Variants in CRYL1 observed in about 807,000 individuals in gnomAD.
CRYL1 encodes the protein crystallin lambda 1, also known as lambda-crystallin homolog.
Under a neutral mutation model 36.6 loss-of-function variants are expected in CRYL1, and 29 were observed. The observed-to-expected ratio is 0.79, with a 90% CI of 0.59 to 1.08. CRYL1 has a LOEUF of 1.08. CRYL1 is among the 50% of genes least tolerant of loss of function. The pLI is 0.00. For missense variants in CRYL1, 411 were observed against 407.9 expected (o/e 1.01, Z -0.06); for synonymous variants, 152 against 151.5 (o/e 1.00, Z -0.02).
intron 5 of CRYL1, among the ~76,000 whole-genome samples, chr13:20,426,393 G>T (rs1370536686): frequency 6.6e-6 from 1 of 151,824 alleles, no homozygotes; most frequent in East Asian, 1.9e-4. Context: ...GTAGACGTGT[G>T]CCACCTGCCC....
rs539215755 is a variant in CRYL1 at position 20,425,260 on chromosome 13, G to C, written c.633+6842C>G. ...CTCTGCTGCTTCCAGCCACAAGACT[G>C]CTGTTCCTGTCCTTGACCTCAAAGC... On this transcript the variant is annotated intron_variant, in intron 5 of 7. Transcript: ENST00000298248. The surrounding 1 kb of genome is among the most constrained non-coding windows in gnomAD (Gnocchi z 4.4). Among the ~76,000 whole-genome samples, 6 of 152,320 alleles carry C rather than the reference G, an allele frequency of 3.9e-5. No individual in the cohort carries two copies. The highest frequency in any genetic ancestry group is 1.4e-4 in the African/African-American group (6 of 41,566).
At chr13:20,463,824 A>G (rs1257120027) in intron 3 of CRYL1, among the ~76,000 whole-genome samples, 5 of 152,238 alleles carry the variant, frequency 3.3e-5, no homozygotes, top group African/African-American at 9.6e-5. Context: ...ACAATATGAC[A>G]TTATTCGAAG....
chr13:20,459,952 C>T (rs2137429517), intron 3 of CRYL1, among the ~76,000 whole-genome samples: 1 of 152,314 alleles, frequency 6.6e-6, no homozygotes, highest in Admixed American at 6.5e-5. Context: ...TTTCCTCCTG[C>T]CGATTCAACC....
chr13:20,453,825 C>T (rs1329280179), intron 3 of CRYL1, among the ~76,000 whole-genome samples: 4 of 152,114 alleles, frequency 2.6e-5, no homozygotes, highest in South Asian at 2.1e-4. Flanking sequence ...GGGGACATCA[C>T]TGCCAGTCCT....
rs559158672 is a variant in CRYL1 at position 20,488,426 on chromosome 13, CATTT to C, written c.276+940_276+943del. Among the ~76,000 whole-genome samples the C allele has an allele frequency of 3.1e-4, 47 of 152,264 alleles. No individual in the cohort carries two copies. In the South Asian group the frequency reaches 9.5e-3, roughly 31 times the overall value. Reference sequence around the variant, plus strand: ...TCTCCTTGTGTTCTGTTGTGACACACATTTGTTTAATGAATTTTTAGCAAATTGA... The same window carrying C: ...TCTCCTTGTGTTCTGTTGTGACACACGTTTAATGAATTTTTAGCAAATTGA... On this transcript the variant is annotated intron_variant, in intron 3 of 7. Coordinates refer to ENST00000298248, the MANE Select transcript of CRYL1 (RefSeq NM_015974.3).
At chr13:20,439,504 C>G in intron 4 of CRYL1, 89 bp downstream of exon 4, 2 of 1,001,420 alleles carry the variant, frequency 2.0e-6, no homozygotes, top group Non-Finnish European at 2.8e-6. Flanking sequence ...TTATTGACCC[C>G]CCTCCCCCGC....
At chr13:20,440,859 C>T (rs779035026) in intron 3 of CRYL1, among the ~76,000 whole-genome samples, 2 of 152,124 alleles carry the variant, frequency 1.3e-5, no homozygotes. Context: ...CTGCAGATAA[C>T]GACCGCTCTG....
At chr13:20,430,524 G>T (rs1187693417) in intron 5 of CRYL1, 1 of 985,274 alleles carries the variant, frequency 1.0e-6, no homozygotes, top group Admixed American at 6.2e-5. Flanking sequence ...TGAGTCAGCA[G>T]AACTACCAGA....
chr13:20,418,105 T>C (rs1303160251), intron 5 of CRYL1, among the ~76,000 whole-genome samples: 3 of 152,198 alleles, frequency 2.0e-5, no homozygotes, highest in East Asian at 1.9e-4. Context: ...TCAGTTCTGC[T>C]TGCAAGGCCT....
intron 5 of CRYL1, among the ~76,000 whole-genome samples, chr13:20,414,255 T>TTTTG (rs777450852): frequency 2.0e-5 from 3 of 151,174 alleles, no homozygotes; most frequent in Non-Finnish European, 4.4e-5. Flanking sequence ...AAGAGATTTT[T>TTTTG]TGTGTGTGTG....
At chr13:20,429,199 G>A (rs1177190622) in intron 5 of CRYL1, among the ~76,000 whole-genome samples, 1 of 152,188 alleles carries the variant, frequency 6.6e-6, no homozygotes, top group South Asian at 2.1e-4. Flanking sequence ...ACATGCACAA[G>A]CCTACTTAGC....
chr13:20,459,690 C>A (rs1196862668), intron 3 of CRYL1, among the ~76,000 whole-genome samples: 3 of 152,050 alleles, frequency 2.0e-5, no homozygotes, highest in Non-Finnish European at 4.4e-5. Context: ...ACATTGGGGC[C>A]TATTTAGGGT....
At chr13:20,492,126 C>G (rs148715454) in intron 2 of CRYL1, among the ~76,000 whole-genome samples, 23 of 152,290 alleles carry the variant, frequency 1.5e-4, no homozygotes, top group Middle Eastern at 3.4e-3. Flanking sequence ...AGCACACTTC[C>G]CTGAACACAG....
intron 5 of CRYL1, chr13:20,431,726 T>C (rs975685214): frequency 3.4e-6 from 4 of 1,164,800 alleles, no homozygotes; most frequent in Non-Finnish European, 4.3e-6. Context: ...TTACACAAAA[T>C]ATAATTTTTT....
At chr13:20,518,997 GA>G in intron 1 of CRYL1, among the ~76,000 whole-genome samples, 1 of 152,312 alleles carries the variant, frequency 6.6e-6, no homozygotes, top group African/African-American at 2.4e-5. Context: ...TTTTCAGTGA[GA>G]AATGCTAAGG....
At chr13:20,520,639 G>A (rs2034076014) in intron 1 of CRYL1, among the ~76,000 whole-genome samples, 1 of 152,098 alleles carries the variant, frequency 6.6e-6, no homozygotes, top group East Asian at 1.9e-4. Flanking sequence ...TGACCCCTGG[G>A]GACCAGCTGG....
At chr13:20,508,869 AAAAAAACAAAAAAAAAAAAC>A (rs2033857041) in intron 2 of CRYL1, among the ~76,000 whole-genome samples, 1 of 15,458 alleles carries the variant, frequency 6.5e-5, no homozygotes, top group African/African-American at 1.1e-4. Flanking sequence ...AAAAAAAAAA[AAAAAAACAAAAAAAAAAAAC>A]TGACAACAAC....
At chr13:20,456,239 C>A (rs563571266) in intron 3 of CRYL1, among the ~76,000 whole-genome samples, 9 of 151,978 alleles carry the variant, frequency 5.9e-5, no homozygotes, top group African/African-American at 2.2e-4. Context: ...TTTGAGAGGC[C>A]GAGGCGGGCG....
Position 20,481,494 on chromosome 13 carries a change from G to A in CRYL1, c.276+7876C>T, listed in dbSNP as rs952092049. On this transcript the variant is annotated intron_variant, in intron 3 of 7. Transcript: ENST00000298248. This position sits in a 1 kb window ranked among gnomAD's most constrained non-coding sequence, Gnocchi z 4.1. Reference sequence around the variant, plus strand: ...GCTCTATGCTCTGAACCCCAGCTGTGACGCTGATTTCATACGTGACTGTAC... The same window carrying A: ...GCTCTATGCTCTGAACCCCAGCTGTAACGCTGATTTCATACGTGACTGTAC... Among the ~76,000 whole-genome samples the A allele has an allele frequency of 2.0e-5, 3 of 152,182 alleles. No homozygotes were observed. The highest frequency in any genetic ancestry group is 1.3e-4 in the Admixed American group (2 of 15,276).
Sources: allele counts gnomAD v4.1 joint callset (sites outside exome capture counted in the v4.1 genomes callset), GRCh38; gene constraint gnomAD v4.1.1; non-coding constraint Gnocchi (gnomAD v3.1); transcripts MANE v1.5; gene names NCBI Gene and HGNC (gene_info 2026-07-23, HGNC 2026-07-21).